CNTN4: variants seen among roughly 807,000 people sequenced by gnomAD.
CNTN4 encodes contactin-4.
A neutral mutation model predicts 122.5 loss-of-function variants in CNTN4; 77 were observed. The ratio of observed to expected loss-of-function variants is 0.63; its 90% CI spans 0.52 to 0.76. The LOEUF is 0.76. Ranked by LOEUF, CNTN4 falls within the 30% of genes least tolerant of loss-of-function variation. The pLI, the probability that CNTN4 is intolerant of heterozygous loss-of-function variation, is 0.00. For missense variants in CNTN4, 1,256 were observed against 1,259.1 expected (o/e 1.00, Z 0.04); for synonymous variants, 512 against 447.0 (o/e 1.15, Z -1.83).
chr3:2,374,231 T>A (rs527675609), intron 3 of CNTN4, among the ~76,000 whole-genome samples: 1 of 152,272 alleles, frequency 6.6e-6, no homozygotes, highest in Non-Finnish European at 1.5e-5. Context: ...GTGTGGAAAA[T>A]ACAGAATGAC....
At chr3:2,190,754 AC>A (rs2037491038) in intron 2 of CNTN4, among the ~76,000 whole-genome samples, 2 of 151,436 alleles carry the variant, frequency 1.3e-5, no homozygotes, top group African/African-American at 2.4e-5. Flanking sequence ...TCTAAATTCA[AC>A]CTTGCAGCAT....
At chr3:2,931,091 G>A (rs2094516419) in intron 13 of CNTN4, among the ~76,000 whole-genome samples, 1 of 152,160 alleles carries the variant, frequency 6.6e-6, no homozygotes, top group Non-Finnish European at 1.5e-5. Context: ...AAAAATTACT[G>A]TGCCTGCAAC....
chr3:2,985,985 G>A (rs541375110), intron 13 of CNTN4, among the ~76,000 whole-genome samples: 1 of 149,436 alleles, frequency 6.7e-6, no homozygotes, highest in South Asian at 2.1e-4. Context: ...TGCCATCTCG[G>A]CTCACTGCAA....
At chr3:2,278,466 A>G (rs1210226994) in intron 2 of CNTN4, among the ~76,000 whole-genome samples, 1 of 152,160 alleles carries the variant, frequency 6.6e-6, no homozygotes, top group Non-Finnish European at 1.5e-5. Flanking sequence ...TGCCAAGGTC[A>G]GCTCCTCTTG....
At chr3:2,504,380 G>C (rs1482051454) in intron 3 of CNTN4, among the ~76,000 whole-genome samples, 1 of 152,116 alleles carries the variant, frequency 6.6e-6, no homozygotes, top group Non-Finnish European at 1.5e-5. Flanking sequence ...ATCGGCTTCT[G>C]TTTCTGAGAA....
At chr3:2,266,563 C>G (rs928230044) in intron 2 of CNTN4, among the ~76,000 whole-genome samples, 2 of 152,006 alleles carry the variant, frequency 1.3e-5, no homozygotes, top group Non-Finnish European at 2.9e-5. Context: ...TAAGTAAGGG[C>G]TGTTAGCTGT....
At chr3:2,914,080 A>G (rs57683561) in intron 12 of CNTN4, among the ~76,000 whole-genome samples, 60,630 of 151,962 alleles carry the variant, frequency 0.4, 12,345 homozygotes, top group East Asian at 0.65. Flanking sequence ...AGAAGTCACA[A>G]TGTAATTTAG....
intron 2 of CNTN4, among the ~76,000 whole-genome samples, chr3:2,236,311 C>G (rs2149577067): frequency 6.6e-6 from 1 of 152,286 alleles, no homozygotes; most frequent in South Asian, 2.1e-4. Flanking sequence ...CACTGAACCT[C>G]TCTTACTTTA....
chr3:2,546,999 T>C (rs372826382), intron 3 of CNTN4, among the ~76,000 whole-genome samples: 17 of 152,210 alleles, frequency 1.1e-4, no homozygotes, highest in African/African-American at 3.1e-4. Flanking sequence ...TATTGATTAA[T>C]CTGCACCAGA....
intron 2 of CNTN4, among the ~76,000 whole-genome samples, chr3:2,274,828 G>C (rs995251720): frequency 6.6e-6 from 1 of 152,088 alleles, no homozygotes; most frequent in African/African-American, 2.4e-5. Context: ...CACAACCCAT[G>C]TCCCTGTGAT....
chr3:2,706,807 T>C (rs1394824347), intron 4 of CNTN4, among the ~76,000 whole-genome samples: 1 of 152,154 alleles, frequency 6.6e-6, no homozygotes, highest in Non-Finnish European at 1.5e-5. Context: ...ACCTACCAAA[T>C]TTAAATTTCA....
chr3:2,226,246 A>G (rs2039277837), intron 2 of CNTN4, among the ~76,000 whole-genome samples: 1 of 152,102 alleles, frequency 6.6e-6, no homozygotes, highest in Non-Finnish European at 1.5e-5. Context: ...AATATCCTTG[A>G]AGGTTGGACT....
intron 8 of CNTN4, among the ~76,000 whole-genome samples, chr3:2,873,384 C>G (rs1476162826): frequency 6.6e-6 from 1 of 152,168 alleles, no homozygotes; most frequent in Non-Finnish European, 1.5e-5. Context: ...GACAGCTGAT[C>G]CCTGCAGAAA....
chr3:2,462,273 G>T (rs2151439097), intron 3 of CNTN4, among the ~76,000 whole-genome samples: 1 of 152,254 alleles, frequency 6.6e-6, no homozygotes, highest in Middle Eastern at 3.4e-3. Context: ...GCAATTCTGG[G>T]CTGGAATGTT....
intron 7 of CNTN4, among the ~76,000 whole-genome samples, chr3:2,845,298 T>A (rs1433431880): frequency 6.6e-6 from 1 of 152,118 alleles, no homozygotes; most frequent in Non-Finnish European, 1.5e-5. Context: ...CAATGCATGA[T>A]GAACGTAGCT....
intron 2 of CNTN4, among the ~76,000 whole-genome samples, chr3:2,249,099 A>G (rs1207169343): frequency 6.6e-6 from 1 of 151,702 alleles, no homozygotes; most frequent in Non-Finnish European, 1.5e-5. Flanking sequence ...ATCACTATGT[A>G]TCTCCTGATA....
intron 12 of CNTN4, among the ~76,000 whole-genome samples, chr3:2,919,142 A>C (rs574202612): frequency 2.0e-5 from 3 of 151,746 alleles, no homozygotes; most frequent in South Asian, 4.2e-4. Flanking sequence ...TCAGGAGTTC[A>C]AGACCAGCCT....
chr3:2,208,802 C>T (rs1184496567), intron 2 of CNTN4, among the ~76,000 whole-genome samples: 2 of 152,134 alleles, frequency 1.3e-5, no homozygotes, highest in Non-Finnish European at 2.9e-5. Flanking sequence ...AGACCCTCTA[C>T]CAGCAACAAA....
chr3:2,207,521 A>C (rs893257526), intron 2 of CNTN4, among the ~76,000 whole-genome samples: 26 of 152,146 alleles, frequency 1.7e-4, no homozygotes, highest in Admixed American at 3.3e-4. Flanking sequence ...ATAGAAGGTC[A>C]AACCAACCAC....
Sources: gnomAD v4.1 joint callset for allele counts (sites outside exome capture counted in the v4.1 genomes callset) on GRCh38, gnomAD v4.1.1 for gene constraint, MANE v1.5 for transcripts, NCBI Gene and HGNC (gene_info 2026-07-23, HGNC 2026-07-21) for gene names.